The following SCFD1 variants were observed in gnomAD, a reference collection of about 807,000 sequenced individuals.
SCFD1 encodes the protein sec1 family domain-containing protein 1.
A neutral mutation model predicts 103.2 loss-of-function variants in SCFD1; 37 were observed. The ratio of observed to expected loss-of-function variants is 0.36; its 90% CI spans 0.28 to 0.47. The LOEUF is 0.47. Among genes scored for constraint, SCFD1 ranks in the 20% least tolerant of loss-of-function variants. The pLI, the probability that SCFD1 is intolerant of heterozygous loss-of-function variation, is 1.00. For synonymous variants in SCFD1, 264 were observed against 245.0 expected, an observed-to-expected ratio of 1.08 and a Z score of -0.73; for missense variants, 639 against 761.2, an observed-to-expected ratio of 0.84 and a Z score of 1.89.
chr14:30,622,313 C>G, upstream of SCFD1: 5 of 1,593,450 alleles, frequency 3.1e-6, no homozygotes, highest in Non-Finnish European at 4.3e-6. Flanking sequence ...CGCTCCCCAG[C>G]CGGGCAGTGG....
chr14:30,708,399 G>T (rs1416377855), intron 19 of SCFD1, among the ~76,000 whole-genome samples: 2 of 152,042 alleles, frequency 1.3e-5, no homozygotes, highest in African/African-American at 4.8e-5. Flanking sequence ...TGTTCTCATT[G>T]TTGAGCTCCC....
At chr14:30,632,046 GAAAAAAAAAAAAA>G (rs61645782) in intron 3 of SCFD1, among the ~76,000 whole-genome samples, 27 of 70,270 alleles carry the variant, frequency 3.8e-4, no homozygotes, top group East Asian at 2.5e-3. Context: ...AGATTCTGTT[GAAAAAAAAAAAAA>G]AAAAAAAAAA....
At chr14:30,644,501 G>A (rs545686860) in intron 7 of SCFD1, among the ~76,000 whole-genome samples, 3 of 152,106 alleles carry the variant, frequency 2.0e-5, no homozygotes, top group East Asian at 1.9e-4. Context: ...CTGCAACCTC[G>A]CCAACATCTG....
At chr14:30,683,146 G>T in intron 14 of SCFD1, 1 of 1,124,930 alleles carries the variant, frequency 8.9e-7, no homozygotes, top group Non-Finnish European at 1.3e-6. Flanking sequence ...GTGTTCAAGG[G>T]GCTATCAATG....
At chr14:30,631,555 A>G (rs925484347) in intron 3 of SCFD1, among the ~76,000 whole-genome samples, 7 of 152,152 alleles carry the variant, frequency 4.6e-5, no homozygotes, top group South Asian at 2.1e-4. Context: ...GGGAGTGTCT[A>G]TATTTTTTTA....
chr14:30,623,339 G>A (rs1451490283), intron 1 of SCFD1, among the ~76,000 whole-genome samples: 5 of 152,282 alleles, frequency 3.3e-5, no homozygotes, highest in Non-Finnish European at 7.3e-5. Flanking sequence ...ACCTACAGAA[G>A]GGATTTGGGC....
chr14:30,699,629 C>T (rs936657104), intron 15 of SCFD1, among the ~76,000 whole-genome samples: 4 of 152,014 alleles, frequency 2.6e-5, no homozygotes, highest in African/African-American at 9.7e-5. Context: ...ATTGTTTTCC[C>T]ATTCTTATAG....
chr14:30,630,801 A>G (rs1421863251), intron 3 of SCFD1: 1 of 415,656 alleles, frequency 2.4e-6, no homozygotes, highest in Non-Finnish European at 4.2e-6. Flanking sequence ...TATGTAAAGG[A>G]AAAGAACTAG....
At chr14:30,643,880 G>A in intron 7 of SCFD1, 1 of 446,756 alleles carries the variant, frequency 2.2e-6, no homozygotes. Context: ...TTTATTTTAG[G>A]TTTGGGGGAT....
chr14:30,661,897 C>T (rs145360235), intron 10 of SCFD1, among the ~76,000 whole-genome samples: 1 of 152,116 alleles, frequency 6.6e-6, no homozygotes, highest in African/African-American at 2.4e-5. Context: ...GGTATTGAAA[C>T]CCTGATATAT....
chr14:30,654,489 C>T (rs758623564), intron 10 of SCFD1, among the ~76,000 whole-genome samples: 8 of 152,158 alleles, frequency 5.3e-5, no homozygotes, highest in East Asian at 1.9e-4. Context: ...GCCTGGCCAA[C>T]GTGGCGAAAT....
intron 8 of SCFD1, 38 bp downstream of exon 8, chr14:30,649,621 T>G: frequency 1.4e-6 from 2 of 1,460,122 alleles, no homozygotes; most frequent in East Asian, 5.0e-5. Context: ...ATAAATAACA[T>G]TGTGTGAATT....
rs201497101 is a variant in SCFD1 at position 30,675,640 on chromosome 14, CTAT to C, written c.1242+580_1242+582del. On this transcript the variant is annotated intron_variant, in intron 14 of 24. Coordinates refer to ENST00000458591, the MANE Select transcript of SCFD1 (RefSeq NM_016106.4). ...ACTTAATCAGTCCTTCAGTATTCTGCTATTATTTGTTCTCCACACTTGGAGCTG... is the reference window on the plus strand; with the variant it reads ...ACTTAATCAGTCCTTCAGTATTCTGCTATTTGTTCTCCACACTTGGAGCTG... Among the ~76,000 whole-genome samples the C allele has an allele frequency of 8.1e-3, 1,228 of 152,228 alleles. 19 individuals are homozygous for C. The highest frequency in any genetic ancestry group is 0.026 in the African/African-American group (1,095 of 41,540).
chr14:30,658,164 C>T (rs1045427494), intron 10 of SCFD1: 1 of 444,708 alleles, frequency 2.2e-6, no homozygotes, highest in Admixed American at 2.5e-5. Context: ...TGTTTTTTTA[C>T]TTGGCCTTTA....
intron 23 of SCFD1, among the ~76,000 whole-genome samples, chr14:30,732,147 C>T (rs1893520812): frequency 6.6e-6 from 1 of 152,144 alleles, no homozygotes; most frequent in Non-Finnish European, 1.5e-5. Context: ...AAAAATCCAA[C>T]CGATTTTTAT....
chr14:30,716,076 T>A, intron 20 of SCFD1, 99 bp downstream of exon 20: 1 of 744,830 alleles, frequency 1.3e-6, no homozygotes, highest in Non-Finnish European at 2.3e-6. Flanking sequence ...GTGAGCTTAA[T>A]CACAGCAGAA....
At position 30,653,508 on chromosome 14, in the gene SCFD1, G is replaced by C. The variant is rs1415825589; in HGVS notation, c.775G>C (p.Val259Leu). ...GQFSFQRPLL[V>L]LVDRNIDLAT... is the part of the protein sequence containing the mutation. Reference sequence around the variant, plus strand: ...TTACAGCTTCCAGAGGCCCTTATTAGTCCTTGTTGACAGAAACATAGATTT... The same window carrying C: ...TTACAGCTTCCAGAGGCCCTTATTACTCCTTGTTGACAGAAACATAGATTT... Residue 259 changes from valine to leucine, a missense_variant, in exon 10 of 25, where the codon GTC (valine) becomes CTC (leucine). By Grantham distance (32) the Val-to-Leu change is conservative (BLOSUM62 1). Coordinates refer to ENST00000458591, the MANE Select transcript of SCFD1 (RefSeq NM_016106.4). The C allele has an allele frequency of 6.2e-7, 1 of 1,612,732 alleles. No homozygotes were observed. The highest frequency in any genetic ancestry group is 8.5e-7 in the Non-Finnish European group (1 of 1,179,104).
intron 9 of SCFD1, among the ~76,000 whole-genome samples, chr14:30,653,211 G>A (rs1477165215): frequency 6.6e-6 from 1 of 152,102 alleles, no homozygotes; most frequent in Non-Finnish European, 1.5e-5. Context: ...CAAGGCAGAA[G>A]GATTGCTTGA....
At chr14:30,637,012 A>G (rs955421053) in intron 4 of SCFD1, among the ~76,000 whole-genome samples, 5 of 152,048 alleles carry the variant, frequency 3.3e-5, no homozygotes, top group Admixed American at 6.6e-5. Flanking sequence ...CAGGATTCAG[A>G]CATTTTTCTG....
Sources: allele counts gnomAD v4.1 joint callset (sites outside exome capture counted in the v4.1 genomes callset), GRCh38; gene constraint gnomAD v4.1.1; transcripts MANE v1.5; gene names NCBI Gene and HGNC (gene_info 2026-07-23, HGNC 2026-07-21).